The following TBC1D5 variants were observed in gnomAD, a reference collection of about 807,000 sequenced individuals.
The protein encoded by TBC1D5 is TBC1 domain family member 5.
TBC1D5 carries 75 observed loss-of-function variants against 100.3 expected under a neutral mutation model. That is an observed-to-expected ratio of 0.75 (90% confidence interval 0.62 to 0.91). TBC1D5 has a LOEUF of 0.91. TBC1D5 is among the 40% of genes least tolerant of loss of function. The probability of loss-of-function intolerance (pLI) is 0.00; values close to 1 mark genes in which losing one functional copy is unlikely to be tolerated. For synonymous variants in TBC1D5, 323 were observed against 325.6 expected (o/e 0.99, Z 0.09); for missense variants, 910 against 942.4 (o/e 0.97, Z 0.45).
At position 17,485,441 on chromosome 3, in the gene TBC1D5, G is replaced by A. The variant is rs868729740; in HGVS notation, c.97+23033C>T. The stretch of plus-strand genomic sequence containing the variant: ...GCTGTTGTGCTGCACCCATTAACTC[G>A]TCATTTAGCATTAGGTGTATCTCCT... On this transcript the variant is annotated intron_variant, in intron 3 of 21. Coordinates refer to ENST00000253692, the Ensembl canonical transcript of TBC1D5. 7.0e-4 allele frequency among the ~76,000 whole-genome samples: 106 copies of A among 150,806 alleles called. 3 individuals are homozygous for A. In the South Asian group the frequency reaches 0.021, roughly 29 times the overall value.
intron 2 of TBC1D5, among the ~76,000 whole-genome samples, chr3:17,529,381 G>T (rs1469434390): frequency 6.6e-6 from 1 of 152,072 alleles, no homozygotes; most frequent in Non-Finnish European, 1.5e-5. Context: ...ACTTCCTTAT[G>T]TGAGGTCTTG....
At chr3:17,168,964 T>C (rs1456631401) in intron 19 of TBC1D5, among the ~76,000 whole-genome samples, 2 of 152,198 alleles carry the variant, frequency 1.3e-5, no homozygotes, top group Non-Finnish European at 2.9e-5. Flanking sequence ...GCAGAACCAG[T>C]GCGCTGTGCC....
chr3:17,661,842 G>A (rs1020655417), intron 1 of TBC1D5, among the ~76,000 whole-genome samples: 3 of 151,896 alleles, frequency 2.0e-5, no homozygotes, highest in Non-Finnish European at 2.9e-5. Context: ...CTAGGATAGT[G>A]CATCACCTTC....
chr3:17,526,227 AT>A (rs1455433863), intron 2 of TBC1D5, among the ~76,000 whole-genome samples: 2 of 151,998 alleles, frequency 1.3e-5, no homozygotes, highest in African/African-American at 4.8e-5. Flanking sequence ...TTATTTATTT[AT>A]TTTTTAAGAG....
intron 3 of TBC1D5, among the ~76,000 whole-genome samples, chr3:17,508,171 G>A (rs753669359): frequency 1.2e-4 from 19 of 152,040 alleles, no homozygotes; most frequent in Admixed American, 1.0e-3. Flanking sequence ...AAAGATGTTC[G>A]ACCAAGGCCC....
Position 17,494,232 on chromosome 3 carries a change from C to T in TBC1D5, c.97+14242G>A, listed in dbSNP as rs1416091882. The stretch of plus-strand genomic sequence containing the variant: ...GCCTGGGTCACCCCCCAACCCGGCA[C>T]CTGTAGGCATCACCACTGGAGACTG... On this transcript the variant is annotated intron_variant, in intron 3 of 21. Transcript: ENST00000253692. Among the ~76,000 whole-genome samples the T allele has an allele frequency of 3.9e-5, 6 of 152,260 alleles. No homozygotes were observed. In the East Asian group the frequency reaches 1.2e-3, roughly 29 times the overall value.
intron 1 of TBC1D5, among the ~76,000 whole-genome samples, chr3:17,652,858 A>G (rs147431652): frequency 6.6e-6 from 1 of 152,208 alleles, no homozygotes; most frequent in African/African-American, 2.4e-5. Context: ...AAATGTGCAT[A>G]CATGTTCACT....
chr3:17,284,221 G>A (rs2080928210), intron 15 of TBC1D5, among the ~76,000 whole-genome samples: 1 of 151,976 alleles, frequency 6.6e-6, no homozygotes, highest in African/African-American at 2.4e-5. Context: ...AAGTTCAAGC[G>A]ATTCTCATGC....
intron 2 of TBC1D5, among the ~76,000 whole-genome samples, chr3:17,583,876 G>C (rs2096716119): frequency 6.6e-6 from 1 of 152,122 alleles, no homozygotes; most frequent in Non-Finnish European, 1.5e-5. Context: ...TATGAACAGA[G>C]AATAGGTACT....
At chr3:17,352,696 AAAAC>A (rs1249759626) in intron 13 of TBC1D5, among the ~76,000 whole-genome samples, 1 of 150,876 alleles carries the variant, frequency 6.6e-6, no homozygotes, top group Non-Finnish European at 1.5e-5. Flanking sequence ...AAAAAAAAAA[AAAAC>A]AAAAAAACCT....
intron 2 of TBC1D5, among the ~76,000 whole-genome samples, chr3:17,598,523 A>T (rs1350945000): frequency 3.3e-5 from 5 of 152,142 alleles, no homozygotes; most frequent in Admixed American, 1.3e-4. Flanking sequence ...TCTTTTTTTT[A>T]AATCTATTCC....
intron 1 of TBC1D5, among the ~76,000 whole-genome samples, chr3:17,660,315 G>T (rs369964473): frequency 1.1e-4 from 16 of 152,170 alleles, no homozygotes; most frequent in East Asian, 5.8e-4. Context: ...TCCACTGGTT[G>T]CAAATCCAAC....
chr3:17,676,347 T>C (rs1272855036), intron 1 of TBC1D5, among the ~76,000 whole-genome samples: 1 of 152,142 alleles, frequency 6.6e-6, no homozygotes, highest in African/African-American at 2.4e-5. Flanking sequence ...AGCATTCCTA[T>C]ACACCAATAA....
In TBC1D5 at chr3:17,265,093, A is replaced by C. The variant is rs539720781; in HGVS notation, c.1246-6502T>G. On this transcript the variant is annotated intron_variant, in intron 15 of 21. Transcript: ENST00000253692. ...TCTCAGAATAGGAGCACATAGGTTTATTAATATGAAAAAGGTGTAAAATCA... is the reference window on the plus strand; with the variant it reads ...TCTCAGAATAGGAGCACATAGGTTTCTTAATATGAAAAAGGTGTAAAATCA... Among the ~76,000 whole-genome samples, 6 of 152,352 alleles carry C rather than the reference A, an allele frequency of 3.9e-5. No homozygotes were observed. The East Asian group carries it at 9.6e-4, about 24-fold the overall frequency.
At chr3:17,592,150 A>C (rs1005161908) in intron 2 of TBC1D5, among the ~76,000 whole-genome samples, 4 of 152,260 alleles carry the variant, frequency 2.6e-5, no homozygotes, top group African/African-American at 9.6e-5. Context: ...TCAGCTGGCA[A>C]GGCCAGCAAT....
intron 2 of TBC1D5, among the ~76,000 whole-genome samples, chr3:17,548,043 G>GGT (rs1364008385): frequency 6.6e-6 from 1 of 152,150 alleles, no homozygotes; most frequent in Non-Finnish European, 1.5e-5. Flanking sequence ...GGCCAGGCAT[G>GGT]GTGGCTCATG....
chr3:17,187,894 T>G (rs1210848804), intron 18 of TBC1D5, among the ~76,000 whole-genome samples: 1 of 152,250 alleles, frequency 6.6e-6, no homozygotes, highest in Non-Finnish European at 1.5e-5. Flanking sequence ...ATTTACTCCA[T>G]GCATTAGTTT....
intron 17 of TBC1D5, among the ~76,000 whole-genome samples, chr3:17,220,183 G>A (rs111459355): frequency 6.6e-6 from 1 of 152,072 alleles, no homozygotes; most frequent in African/African-American, 2.4e-5. Flanking sequence ...TATATAAGTG[G>A]AACTGCTATG....
At chr3:17,739,048 G>A (rs1170601752) in intron 1 of TBC1D5, among the ~76,000 whole-genome samples, 2 of 152,126 alleles carry the variant, frequency 1.3e-5, no homozygotes, top group African/African-American at 4.8e-5. Flanking sequence ...ACTAGAAGCA[G>A]CCCACAGGCC....
Sources: gnomAD v4.1 joint callset for allele counts (sites outside exome capture counted in the v4.1 genomes callset) on GRCh38, gnomAD v4.1.1 for gene constraint, MANE v1.5 for transcripts, NCBI Gene and HGNC (gene_info 2026-07-23, HGNC 2026-07-21) for gene names.